The following KIF26B variants were observed in gnomAD, a reference collection of about 807,000 sequenced individuals.
KIF26B encodes the protein kinesin-like protein KIF26B.
KIF26B carries 63 observed loss-of-function variants against 151.2 expected under a neutral mutation model. That is an observed-to-expected ratio of 0.42 (90% CI 0.34 to 0.51). The LOEUF is 0.51. Among genes scored for constraint, KIF26B ranks in the 20% least tolerant of loss-of-function variants. KIF26B has a pLI of 0.07. For missense variants in KIF26B, 2,813 were observed against 2,913.6 expected, an observed-to-expected ratio of 0.97 and a Z score of 0.79; for synonymous variants, 1,357 against 1,262.1, an observed-to-expected ratio of 1.08 and a Z score of -1.59.
intron 2 of KIF26B, among the ~76,000 whole-genome samples, chr1:245,172,505 G>T (rs1342237197): frequency 6.6e-6 from 1 of 152,170 alleles, no homozygotes; most frequent in Non-Finnish European, 1.5e-5. Flanking sequence ...TGACAGACAG[G>T]AGGTGTCCAA....
chr1:245,220,152 G>T (rs897565827), intron 2 of KIF26B, among the ~76,000 whole-genome samples: 1 of 152,180 alleles, frequency 6.6e-6, no homozygotes, highest in Non-Finnish European at 1.5e-5. Flanking sequence ...GTAATTTGGG[G>T]GGTGTGGGAA....
chr1:245,191,587 T>C (rs1032379983), intron 2 of KIF26B, among the ~76,000 whole-genome samples: 11 of 152,154 alleles, frequency 7.2e-5, no homozygotes, highest in African/African-American at 2.4e-4. Context: ...AGAGAAAATA[T>C]AGACAGGTTT....
At chr1:245,550,264 G>A (rs1661847126) in intron 5 of KIF26B, among the ~76,000 whole-genome samples, 1 of 152,242 alleles carries the variant, frequency 6.6e-6, no homozygotes, top group South Asian at 2.1e-4. Context: ...GTGGAGCTCT[G>A]TTCCAGCTGT....
At chr1:245,649,730 C>T (rs577907256) in intron 10 of KIF26B, among the ~76,000 whole-genome samples, 7 of 152,038 alleles carry the variant, frequency 4.6e-5, no homozygotes, top group Non-Finnish European at 8.8e-5. Context: ...ATTTGTCTCC[C>T]CAGACAACTC....
intron 9 of KIF26B, among the ~76,000 whole-genome samples, chr1:245,635,220 T>G (rs1356884802): frequency 6.6e-6 from 1 of 151,970 alleles, no homozygotes; most frequent in Non-Finnish European, 1.5e-5. Context: ...TATTATTTCT[T>G]CCTTAAATGG....
At chr1:245,182,052 C>T (rs190084975) in intron 2 of KIF26B, among the ~76,000 whole-genome samples, 34 of 152,232 alleles carry the variant, frequency 2.2e-4, no homozygotes, top group Admixed American at 2.0e-3. Context: ...AATCTGAGAT[C>T]ATTCTTCTAT....
chr1:245,497,720 A>G (rs893711712), intron 4 of KIF26B, among the ~76,000 whole-genome samples: 6 of 152,200 alleles, frequency 3.9e-5, no homozygotes, highest in African/African-American at 1.4e-4. Context: ...ACACATTATT[A>G]TACTATGTAT....
intron 2 of KIF26B, among the ~76,000 whole-genome samples, chr1:245,247,203 C>T (rs939243760): frequency 1.3e-5 from 2 of 151,512 alleles, no homozygotes; most frequent in East Asian, 1.9e-4. Context: ...GTAATCCCAG[C>T]ACTTTGGGAG....
chr1:245,520,322 C>G (rs1215425873), intron 4 of KIF26B, among the ~76,000 whole-genome samples: 3 of 152,110 alleles, frequency 2.0e-5, no homozygotes, highest in Admixed American at 2.0e-4. Flanking sequence ...TCAAAAAACC[C>G]CTCTCCCAGA....
chr1:245,167,744 T>TG lies in KIF26B; in HGVS notation c.465+11062dup, dbSNP rs1423809042. The stretch of plus-strand genomic sequence containing the variant: ...TCTCAGTCCTAAGCAGGTGGCAGAG[T>TG]GTCTTCCCCATGGTACCATGGCTGG... On this transcript the variant is annotated intron_variant, in intron 2 of 14. Transcript: ENST00000407071. This position sits in a 1 kb window ranked among gnomAD's most constrained non-coding sequence, Gnocchi z 4.2. Among the ~76,000 whole-genome samples the TG allele has an allele frequency of 6.6e-6, 1 of 151,578 alleles. No individual in the cohort carries two copies. The highest frequency in any genetic ancestry group is 1.5e-5 in the Non-Finnish European group (1 of 67,934).
At chr1:245,507,433 C>T (rs138679729) in intron 4 of KIF26B, among the ~76,000 whole-genome samples, 64 of 152,346 alleles carry the variant, frequency 4.2e-4, no homozygotes, top group African/African-American at 1.4e-3. Context: ...GGCCCATCCT[C>T]GTGTCCTGTG....
rs1195033761 is a variant in KIF26B, at chr1:245,704,932, C to T, written c.*2326C>T. 6.6e-6 allele frequency: 1 copy of T among 152,216 alleles called. No individual in the cohort carries two copies. The highest frequency in any genetic ancestry group is 1.5e-5 in the Non-Finnish European group (1 of 68,056). The allele number at this position is 152,216 out of a possible 1,614,324, so 9.4% of individuals were successfully genotyped here. A position where few individuals can be genotyped will look rare whatever the true frequency, so the allele number is the denominator to read the frequency against. On this transcript the variant is annotated 3_prime_UTR_variant, in exon 15 of 15. Transcript: ENST00000407071. ...TTGGAAAGAAACTCATCTGATGAGT[C>T]ATCGATGAGTTTGGCTTTCGCCCCT...
intron 3 of KIF26B, among the ~76,000 whole-genome samples, chr1:245,368,526 G>C (rs1380069781): frequency 6.6e-6 from 1 of 152,182 alleles, no homozygotes; most frequent in African/African-American, 2.4e-5. Flanking sequence ...ACTTGGGTCT[G>C]TCATGGTGGG....
chr1:245,261,359 G>A (rs1259332265), intron 2 of KIF26B, among the ~76,000 whole-genome samples: 16 of 151,984 alleles, frequency 1.1e-4, no homozygotes, highest in Non-Finnish European at 1.5e-5. Flanking sequence ...TCGAACTCCC[G>A]ACCTCAGGTG....
At chr1:245,300,249 A>C (rs1411492728) in intron 2 of KIF26B, among the ~76,000 whole-genome samples, 1 of 152,148 alleles carries the variant, frequency 6.6e-6, no homozygotes, top group African/African-American at 2.4e-5. Context: ...ATGCAAGTTC[A>C]TTTTATTAAG....
intron 2 of KIF26B, among the ~76,000 whole-genome samples, chr1:245,230,441 A>G (rs6697257): frequency 0.013 from 1,967 of 152,122 alleles, 42 homozygotes; most frequent in African/African-American, 0.045. Context: ...ATCCATAAAA[A>G]TTTGCTATAA....
intron 4 of KIF26B, among the ~76,000 whole-genome samples, chr1:245,458,718 A>T (rs1227285558): frequency 6.6e-6 from 1 of 152,214 alleles, no homozygotes; most frequent in Non-Finnish European, 1.5e-5. Flanking sequence ...TTTCCGGATT[A>T]ATTTCCTGCA....
At chr1:245,554,356 C>G in intron 5 of KIF26B, among the ~76,000 whole-genome samples, 1 of 152,094 alleles carries the variant, frequency 6.6e-6, no homozygotes, top group South Asian at 2.1e-4. Flanking sequence ...TAGCACAGTC[C>G]TTATATGACT....
chr1:245,399,512 G>A (rs760447140), intron 3 of KIF26B, among the ~76,000 whole-genome samples: 14 of 152,130 alleles, frequency 9.2e-5, no homozygotes, highest in Non-Finnish European at 1.3e-4. Context: ...CAAGGAGATC[G>A]TCCCTTCATC....
Sources: allele counts gnomAD v4.1 joint callset (sites outside exome capture counted in the v4.1 genomes callset), GRCh38; gene constraint gnomAD v4.1.1; non-coding constraint Gnocchi (gnomAD v3.1); transcripts MANE v1.5; gene names NCBI Gene and HGNC (gene_info 2026-07-23, HGNC 2026-07-21).